KCNMA1: variants seen among roughly 807,000 people sequenced by gnomAD.
KCNMA1 encodes Calcium-activated potassium channel subunit alpha-1.
Under a neutral mutation model 140.0 loss-of-function variants are expected in KCNMA1, and 29 were observed. That is an observed-to-expected ratio of 0.21 (90% CI 0.15 to 0.28). The LOEUF (loss-of-function observed/expected upper bound fraction) is 0.28. Ranked by LOEUF, KCNMA1 falls within the 10% of genes least tolerant of loss-of-function variation. The pLI, the probability that KCNMA1 is intolerant of heterozygous loss-of-function variation, is 1.00. For missense variants in KCNMA1, 880 were observed against 1,602.2 expected (o/e 0.55, Z 7.70); for synonymous variants, 612 against 611.9 (o/e 1.00, Z 0.00).
chr10:77,034,888 ATGAC>A (rs1447381155), intron 15 of KCNMA1, among the ~76,000 whole-genome samples: 2 of 152,214 alleles, frequency 1.3e-5, no homozygotes, highest in Non-Finnish European at 2.9e-5. Flanking sequence ...CAAATGATGA[ATGAC>A]TGACTAATAG....
Position 77,631,635 on chromosome 10 carries a change from T to C in KCNMA1, c.378+5630A>G, listed in dbSNP as rs924949289. 3.3e-5 allele frequency among the ~76,000 whole-genome samples: 5 copies of C among 152,122 alleles called. No homozygotes were observed. In the East Asian group the frequency reaches 5.8e-4, roughly 18 times the overall value. Reference sequence around the variant, plus strand: ...CTGCACCAGGCCTCTCATGCCCTGATGAGAGAGAGAGAAAGAGAGAGACAG... The same window carrying C: ...CTGCACCAGGCCTCTCATGCCCTGACGAGAGAGAGAGAAAGAGAGAGACAG... On this transcript the variant is annotated intron_variant, in intron 1 of 27. Transcript: ENST00000286628.
chr10:77,133,757 G>C (rs1208690686), intron 5 of KCNMA1, among the ~76,000 whole-genome samples: 1 of 151,984 alleles, frequency 6.6e-6, no homozygotes, highest in African/African-American at 2.4e-5. Context: ...TGAATGGATG[G>C]GCAGAAAGAC....
chr10:77,573,121 A>G (rs1010406900), intron 1 of KCNMA1, among the ~76,000 whole-genome samples: 2 of 152,172 alleles, frequency 1.3e-5, no homozygotes, highest in Non-Finnish European at 2.9e-5. Context: ...TACATAAGTC[A>G]TCTCTCAAAA....
intron 23 of KCNMA1, among the ~76,000 whole-genome samples, chr10:76,927,990 G>A (rs975314551): frequency 2.6e-5 from 4 of 152,024 alleles, no homozygotes; most frequent in African/African-American, 7.3e-5. Flanking sequence ...TTAATTTCAG[G>A]AGAAATATTC....
At chr10:76,905,249 T>C (rs1225189850) in intron 25 of KCNMA1, 2 of 152,198 alleles carry the variant, frequency 1.3e-5, no homozygotes, top group Non-Finnish European at 2.9e-5. Context: ...TATTGTGCTA[T>C]TTCTTCTTCT....
At chr10:76,947,337 CAAAACAAACAAACAAACA>C (rs1306314979) in intron 22 of KCNMA1, among the ~76,000 whole-genome samples, 2 of 151,984 alleles carry the variant, frequency 1.3e-5, no homozygotes, top group East Asian at 3.9e-4. Flanking sequence ...AACTTGGACT[CAAAACAAACAAACAAACA>C]AAAACAAACA....
intron 2 of KCNMA1, among the ~76,000 whole-genome samples, chr10:77,340,008 A>C (rs2090425743): frequency 6.6e-6 from 1 of 152,186 alleles, no homozygotes; most frequent in African/African-American, 2.4e-5. Context: ...CTACATCTAG[A>C]CTTCTACTTG....
chr10:77,309,144 C>T (rs2078606028), intron 2 of KCNMA1, among the ~76,000 whole-genome samples: 1 of 152,152 alleles, frequency 6.6e-6, no homozygotes, highest in Non-Finnish European at 1.5e-5. Context: ...CTCGGTTGAT[C>T]CAACATCAGC....
At chr10:77,405,305 C>A (rs768126711) in intron 1 of KCNMA1, among the ~76,000 whole-genome samples, 2 of 152,138 alleles carry the variant, frequency 1.3e-5, no homozygotes, top group African/African-American at 2.4e-5. Context: ...CACTTAAAAC[C>A]GCTAATATAC....
chr10:77,376,276 T>C (rs1022909188), intron 2 of KCNMA1, among the ~76,000 whole-genome samples: 11 of 152,160 alleles, frequency 7.2e-5, no homozygotes, highest in African/African-American at 2.7e-4. Flanking sequence ...TAAGTTGAGG[T>C]TGGGCTCTGT....
chr10:77,583,172 C>A (rs190685068), intron 1 of KCNMA1, among the ~76,000 whole-genome samples: 1 of 152,342 alleles, frequency 6.6e-6, no homozygotes, highest in East Asian at 1.9e-4. Flanking sequence ...TCTGCCTGCT[C>A]TTCCCTGGTC....
chr10:77,308,141 AG>A (rs1309662783), intron 2 of KCNMA1, among the ~76,000 whole-genome samples: 1 of 152,208 alleles, frequency 6.6e-6, no homozygotes, highest in Admixed American at 6.5e-5. Context: ...GGAAAATGCC[AG>A]TCTGGTGATG....
intron 14 of KCNMA1, among the ~76,000 whole-genome samples, chr10:77,070,964 G>A (rs934090511): frequency 1.2e-4 from 18 of 152,154 alleles, no homozygotes; most frequent in African/African-American, 4.1e-4. Context: ...GTGTCAAAAG[G>A]TCATATTCAG....
intron 19 of KCNMA1, chr10:76,974,658 G>T: frequency 2.3e-6 from 2 of 880,680 alleles, no homozygotes. Flanking sequence ...TTTTAACATT[G>T]AATAGCTTTG....
chr10:77,239,061 C>G (rs965069387), intron 3 of KCNMA1, among the ~76,000 whole-genome samples: 1 of 152,202 alleles, frequency 6.6e-6, no homozygotes, highest in Non-Finnish European at 1.5e-5. Context: ...TCACCTCGTA[C>G]CTGATAACAG....
chr10:77,048,131 T>TAAATAAATAAATAAATA (rs1393919464), intron 14 of KCNMA1, among the ~76,000 whole-genome samples: 4 of 151,596 alleles, frequency 2.6e-5, no homozygotes, highest in African/African-American at 9.7e-5. Flanking sequence ...AATAAATAAA[T>TAAATAAATAAATAAATA]AAGAATTACA....
intron 1 of KCNMA1, among the ~76,000 whole-genome samples, chr10:77,579,511 T>C (rs1440803965): frequency 6.6e-6 from 1 of 152,270 alleles, no homozygotes; most frequent in East Asian, 1.9e-4. Context: ...TATCTTATCA[T>C]GTTCATATGT....
intron 1 of KCNMA1, among the ~76,000 whole-genome samples, chr10:77,564,388 T>C (rs2448394): frequency 0.72 from 110,129 of 151,940 alleles, 40,407 homozygotes; most frequent in South Asian, 0.86. Context: ...GCCTGGGCAA[T>C]ATGGTGAAAC....
At chr10:77,338,287 C>T (rs1348110796) in intron 2 of KCNMA1, among the ~76,000 whole-genome samples, 2 of 152,118 alleles carry the variant, frequency 1.3e-5, no homozygotes, top group African/African-American at 2.4e-5. Context: ...TTTTATATAC[C>T]CATCTCCCGC....
Sources: allele counts gnomAD v4.1 joint callset (sites outside exome capture counted in the v4.1 genomes callset), GRCh38; gene constraint gnomAD v4.1.1; transcripts MANE v1.5; gene names NCBI Gene and HGNC (gene_info 2026-07-23, HGNC 2026-07-21).